Variants in TMEM117 observed in about 807,000 individuals in gnomAD.
TMEM117 encodes the protein transmembrane protein 117.
In TMEM117, 27 loss-of-function variants were observed where a neutral mutation model predicts 52.4. The ratio of observed to expected loss-of-function variants is 0.51; its 90% CI spans 0.38 to 0.71. The LOEUF (loss-of-function observed/expected upper bound fraction) is 0.71. Ranked by LOEUF, TMEM117 falls within the 30% of genes least tolerant of loss-of-function variation. The probability of loss-of-function intolerance (pLI) is 0.00; values close to 1 mark genes in which losing one functional copy is unlikely to be tolerated. For missense variants in TMEM117, 556 were observed against 630.5 expected, an observed-to-expected ratio of 0.88 and a Z score of 1.26; for synonymous variants, 215 against 206.3, an observed-to-expected ratio of 1.04 and a Z score of -0.36.
chr12:44,069,323 C>T (rs923926512), intron 3 of TMEM117, among the ~76,000 whole-genome samples: 2 of 151,982 alleles, frequency 1.3e-5, no homozygotes, highest in African/African-American at 4.8e-5. Flanking sequence ...GTGCTGAGGG[C>T]TGGGGAGGTA....
chr12:44,151,220 T>G (rs1415873014), intron 4 of TMEM117, among the ~76,000 whole-genome samples: 1 of 152,072 alleles, frequency 6.6e-6, no homozygotes, highest in African/African-American at 2.4e-5. Flanking sequence ...TTTCAGCTTC[T>G]TCCAATTCCA....
intron 4 of TMEM117, among the ~76,000 whole-genome samples, chr12:44,147,498 C>T (rs1592557194): frequency 1.3e-5 from 2 of 152,070 alleles, no homozygotes; most frequent in Non-Finnish European, 2.9e-5. Context: ...CTGTTCTAGC[C>T]CCTGGTACAT....
At chr12:44,299,443 A>T in intron 5 of TMEM117, 137 bp from the exon 6 acceptor site, 1 of 1,181,566 alleles carries the variant, frequency 8.5e-7, no homozygotes, top group Non-Finnish European at 1.1e-6. Context: ...AACTTTTTTC[A>T]TCTTCCTTTT....
intron 6 of TMEM117, among the ~76,000 whole-genome samples, chr12:44,307,476 A>G (rs1437436918): frequency 1.3e-5 from 2 of 152,244 alleles, no homozygotes; most frequent in African/African-American, 4.8e-5. Context: ...AAAACACAAT[A>G]GTGCTGGCTT....
chr12:43,804,270 G>A, the TMEM117 span: 2 of 527,562 alleles, frequency 3.8e-6, no homozygotes, highest in Admixed American at 2.6e-5. Flanking sequence ...AGAGGAAGAA[G>A]TCACATCAAA....
chr12:43,954,243 C>A (rs1945271100), intron 3 of TMEM117, among the ~76,000 whole-genome samples: 1 of 151,932 alleles, frequency 6.6e-6, no homozygotes, highest in South Asian at 2.1e-4. Flanking sequence ...ACTAAAAGAA[C>A]TAGAGAACCA....
chr12:43,962,250 A>C (rs1210870079), intron 3 of TMEM117, among the ~76,000 whole-genome samples: 2 of 152,172 alleles, frequency 1.3e-5, no homozygotes, highest in Non-Finnish European at 2.9e-5. Flanking sequence ...GGAATTGGTT[A>C]ACTTTTCTCT....
At chr12:44,325,892 G>A (rs1951188471) in intron 6 of TMEM117, among the ~76,000 whole-genome samples, 2 of 152,198 alleles carry the variant, frequency 1.3e-5, no homozygotes, top group South Asian at 4.1e-4. Context: ...TGGGTGCAGT[G>A]GCTCACGCCT....
intron 5 of TMEM117, among the ~76,000 whole-genome samples, chr12:44,287,089 C>T (rs77501018): frequency 0.028 from 4,262 of 152,228 alleles, 98 homozygotes; most frequent in African/African-American, 0.055. Flanking sequence ...GAGCCCACCC[C>T]AGAGGTTAGG....
intron 6 of TMEM117, among the ~76,000 whole-genome samples, chr12:44,354,318 TCCGG>T (rs1951611764): frequency 6.6e-6 from 1 of 151,974 alleles, no homozygotes; most frequent in Non-Finnish European, 1.5e-5. Context: ...GGCCAGAACT[TCCGG>T]CCAGCATCAT....
chr12:44,370,164 A>G (rs1012050746), intron 6 of TMEM117, among the ~76,000 whole-genome samples: 1 of 152,212 alleles, frequency 6.6e-6, no homozygotes, highest in African/African-American at 2.4e-5. Flanking sequence ...TTGTATTTAC[A>G]TGATGACTAA....
intron 7 of TMEM117, 24 bp from the exon 8 acceptor site, chr12:44,388,002 T>G (rs1952113660): frequency 6.3e-7 from 1 of 1,584,140 alleles, no homozygotes; most frequent in Admixed American, 1.8e-5. Flanking sequence ...CTTTGATTAA[T>G]GCAGTATTTC....
At chr12:43,844,276 A>T (rs543039858) in intron 1 of TMEM117, among the ~76,000 whole-genome samples, 1 of 152,224 alleles carries the variant, frequency 6.6e-6, no homozygotes, top group African/African-American at 2.4e-5. Flanking sequence ...GCAATGAGCC[A>T]TGGTTGTGCC....
intron 6 of TMEM117, among the ~76,000 whole-genome samples, chr12:44,322,017 T>C (rs1278675914): frequency 6.6e-6 from 1 of 152,210 alleles, no homozygotes; most frequent in Non-Finnish European, 1.5e-5. Flanking sequence ...GAGATTTTTT[T>C]CTAAACTGGA....
chr12:44,308,028 G>A (rs1198877447), intron 6 of TMEM117, among the ~76,000 whole-genome samples: 4 of 152,176 alleles, frequency 2.6e-5, no homozygotes, highest in Non-Finnish European at 5.9e-5. Context: ...TATCGTGAGC[G>A]GGAGAGATCA....
intron 3 of TMEM117, among the ~76,000 whole-genome samples, chr12:44,129,860 T>G (rs1186500089): frequency 6.6e-6 from 1 of 152,208 alleles, no homozygotes; most frequent in East Asian, 1.9e-4. Flanking sequence ...TAGGCTAAAT[T>G]ACATTATAGG....
At chr12:44,369,076 CA>C (rs1407322016) in intron 6 of TMEM117, among the ~76,000 whole-genome samples, 5 of 152,134 alleles carry the variant, frequency 3.3e-5, no homozygotes, top group African/African-American at 1.2e-4. Flanking sequence ...AGATGTTAAG[CA>C]CTCTTTCCTG....
At chr12:43,808,992 A>C in the TMEM117 span, among the ~76,000 whole-genome samples, 1 of 152,230 alleles carries the variant, frequency 6.6e-6, no homozygotes, top group Admixed American at 6.5e-5. Flanking sequence ...CAAAAAGAGA[A>C]CTATAACTGC....
intron 6 of TMEM117, among the ~76,000 whole-genome samples, chr12:44,318,747 T>C (rs890594623): frequency 6.6e-6 from 1 of 151,898 alleles, no homozygotes; most frequent in African/African-American, 2.4e-5. Flanking sequence ...GGAGAGTGGG[T>C]GCTCTGACTG....
Sources: gnomAD v4.1 joint callset for allele counts (sites outside exome capture counted in the v4.1 genomes callset) on GRCh38, gnomAD v4.1.1 for gene constraint, MANE v1.5 for transcripts, NCBI Gene and HGNC (gene_info 2026-07-23, HGNC 2026-07-21) for gene names.